TP73: variants seen among roughly 807,000 people sequenced by gnomAD.
TP73 encodes tumor protein p73.
In TP73, 25 loss-of-function variants were observed where a neutral mutation model predicts 62.5. The observed-to-expected ratio is 0.40, with a 90% CI of 0.29 to 0.56. The LOEUF is 0.56. Among genes scored for constraint, TP73 ranks in the 20% least tolerant of loss-of-function variants. The pLI is 0.46. For synonymous variants in TP73, 423 were observed against 377.5 expected (o/e 1.12, Z -1.40); for missense variants, 754 against 913.3 (o/e 0.83, Z 2.25).
rs545994179 is a variant in TP73, at chr1:3,735,249, C to A, written c.*2170C>A. On this transcript the variant is annotated 3_prime_UTR_variant, in exon 14 of 14. Transcript: ENST00000378295. ...GGAGCCGCGGGGGCCCATCCTGACA[C>A]CCGGGGTTCCTCAGCCCAGCGCAGA... 1 of 152,442 alleles carries A rather than the reference C, an allele frequency of 6.6e-6. No homozygotes were observed. Among genetic ancestry groups the A allele is most frequent in the African/African-American group, 2.4e-5 (1 of 41,582 alleles). The allele number at this position is 152,442 out of a possible 1,614,324, so 9.4% of individuals were successfully genotyped here.
chr1:3,704,977 A>T (rs1469090376), intron 3 of TP73, among the ~76,000 whole-genome samples: 1 of 151,190 alleles, frequency 6.6e-6, no homozygotes, highest in East Asian at 1.9e-4. Flanking sequence ...GCTTCCCCAG[A>T]CCCCCTCACA....
At chr1:3,726,579 G>A (rs1557580741) in intron 6 of TP73, among the ~76,000 whole-genome samples, 1 of 147,948 alleles carries the variant, frequency 6.8e-6, no homozygotes, top group South Asian at 2.2e-4. Context: ...AAGTGGGGGA[G>A]TGGATGGATG....
At chr1:3,675,675 G>A (rs912078363) in intron 1 of TP73, among the ~76,000 whole-genome samples, 2 of 152,154 alleles carry the variant, frequency 1.3e-5, no homozygotes, top group African/African-American at 2.4e-5. Flanking sequence ...GCAGCCCTGC[G>A]GCCAGGGCCC....
Position 3,733,166 on chromosome 1 carries a change from G to A in TP73, c.*87G>A. The A allele has an allele frequency of 2.2e-6, 3 of 1,393,318 alleles. No homozygotes were observed. The highest frequency in any genetic ancestry group is 2.9e-6 in the Non-Finnish European group (3 of 1,046,840). 86.3% of individuals were successfully genotyped at this position (1,393,318 alleles called of 1,614,324 possible). The stretch of plus-strand genomic sequence containing the variant: ...TCCTGTGTGTCCAAAACTGCCTCAG[G>A]AGGCAGGACCTTCGGGCTGTGCCCG... On this transcript the variant is annotated 3_prime_UTR_variant, in exon 14 of 14. Transcript: ENST00000378295.
rs370072435 is a variant in TP73, at chr1:3,723,631, G to A, written c.732+162G>A. Among the ~76,000 whole-genome samples the A allele has an allele frequency of 8.9e-4, 135 of 152,226 alleles. 3 individuals carry two copies. The South Asian group carries it at 0.023, about 26-fold the overall frequency. On this transcript the variant is annotated intron_variant, in intron 6 of 13. Transcript: ENST00000378295. ...CCCTGCTCTGTGATAAGTCTGTGTC[G>A]GCGGCTCCTTCCTCACCCACACCCG...
intron 4 of TP73, among the ~76,000 whole-genome samples, chr1:3,717,375 TG>T (rs1328259725): frequency 6.6e-6 from 1 of 152,092 alleles, no homozygotes; most frequent in Non-Finnish European, 1.5e-5. Flanking sequence ...TGGGGAGGGA[TG>T]GGCACAGTGG....
chr1:3,730,819 G>T lies in TP73; in HGVS notation c.1346-108G>T. ...GGTGATGCCCAGCGTCACATCGCCA[G>T]GCCTTGGGATGGCTCCCTGGTGTCC... On this transcript the variant is annotated intron_variant, in intron 11 of 13. Transcript: ENST00000378295. 4 of 1,393,740 alleles carry T rather than the reference G, an allele frequency of 2.9e-6. No homozygotes were observed. In the South Asian group the frequency reaches 5.6e-5, roughly 19 times the overall value. 86.3% of individuals were successfully genotyped at this position (1,393,740 alleles called of 1,614,324 possible). A position where few individuals can be genotyped will look rare whatever the true frequency, so the allele number is the denominator to read the frequency against.
chr1:3,731,052 C>T lies in TP73; in HGVS notation c.1471C>T (p.Pro491Ser). ...CTPPPPYHAD[P>S]SLVSFLTGLG... ...TCCGCCACCCCCCTACCACGCCGAC[C>T]CCAGCCTCGTCAGGTGCGTGGGCTG... Residue 491 changes from proline to serine, a missense_variant, in exon 12 of 14, where the codon CCC (proline) becomes TCC (serine). Pro to Ser is a moderately conservative substitution (Grantham distance 74). Coordinates refer to ENST00000378295, the MANE Select transcript of TP73 (RefSeq NM_005427.4). 6.2e-7 allele frequency: 1 copy of T among 1,611,686 alleles called. No individual in the cohort carries two copies.
chr1:3,707,893 G>A, intron 4 of TP73, 102 bp downstream of exon 4: 1 of 1,482,112 alleles, frequency 6.7e-7, no homozygotes, highest in South Asian at 1.3e-5. Flanking sequence ...TCGCCCCACT[G>A]TCTGCTCGGG....
chr1:3,668,985 G>A (rs996116971), intron 1 of TP73, among the ~76,000 whole-genome samples: 2 of 152,208 alleles, frequency 1.3e-5, no homozygotes, highest in Admixed American at 1.3e-4. Flanking sequence ...TCCAGGCCAT[G>A]CTCCGCCCCC....
At chr1:3,664,770 AG>A (rs1465181469) in intron 1 of TP73, among the ~76,000 whole-genome samples, 1 of 152,156 alleles carries the variant, frequency 6.6e-6, no homozygotes, top group Non-Finnish European at 1.5e-5. Context: ...TGGGCCTCAG[AG>A]AGGGGTATCT....
intron 1 of TP73, among the ~76,000 whole-genome samples, chr1:3,678,813 G>A (rs1197034170): frequency 6.6e-6 from 1 of 152,200 alleles, no homozygotes; most frequent in Non-Finnish European, 1.5e-5. Flanking sequence ...TGTGGGGAGG[G>A]GTGTCCTGGA....
intron 4 of TP73, among the ~76,000 whole-genome samples, chr1:3,709,783 C>T (rs1448616076): frequency 1.3e-5 from 2 of 152,208 alleles, no homozygotes; most frequent in African/African-American, 4.8e-5. Context: ...GAGAGTGTCT[C>T]CCTGGAGTCC....
In TP73 at chr1:3,733,054, A is replaced by G. The variant is rs1263952355; in HGVS notation, c.1886A>G (p.Glu629Gly). The G allele has an allele frequency of 3.2e-6, 5 of 1,538,628 alleles. No homozygotes were observed. The highest frequency in any genetic ancestry group is 2.6e-6 in the Non-Finnish European group (3 of 1,146,920). ...CKARKQPIKE[E>G]FTEAEIH The stretch of plus-strand genomic sequence containing the variant: ...GCCCGCAAGCAGCCCATCAAGGAGG[A>G]GTTCACGGAGGCCGAGATCCACTGA... Residue 629 changes from glutamate (E) to glycine (G), a missense_variant, in exon 14 of 14, where the codon GAG becomes GGG. Coordinates refer to ENST00000378295, the MANE Select transcript of TP73 (RefSeq NM_005427.4).
Position 3,670,665 on chromosome 1 carries a change from C to CA in TP73, c.-33-11660dup, listed in dbSNP as rs1032179036. On this transcript the variant is annotated intron_variant, in intron 1 of 13. Coordinates refer to ENST00000378295, the MANE Select transcript of TP73 (RefSeq NM_005427.4). This position sits in a 1 kb window ranked among gnomAD's most constrained non-coding sequence, Gnocchi z 5.9. ...TGGGTGACAGAGCGAGACTCTATCTCAAAAAAAATAAAATAAAATAAAAAA... is the reference window on the plus strand; with the variant it reads ...TGGGTGACAGAGCGAGACTCTATCTCAAAAAAAAATAAAATAAAATAAAAAA... Among the ~76,000 whole-genome samples the CA allele has an allele frequency of 3.3e-5, 5 of 150,348 alleles. No homozygotes were observed. Among genetic ancestry groups the CA allele is most frequent in the South Asian group, 2.1e-4 (1 of 4,746 alleles).
chr1:3,685,715 T>G (rs1046874985), intron 3 of TP73, among the ~76,000 whole-genome samples: 2 of 152,144 alleles, frequency 1.3e-5, no homozygotes, highest in Non-Finnish European at 2.9e-5. Context: ...GCCCGCTAAC[T>G]CCAGGGGTCC....
At chr1:3,685,468 G>A (rs1474489707) in intron 3 of TP73, among the ~76,000 whole-genome samples, 2 of 152,230 alleles carry the variant, frequency 1.3e-5, no homozygotes, top group African/African-American at 2.4e-5. Context: ...CGGAGATGGG[G>A]GATTCCCTGG....
chr1:3,715,700 C>T (rs1413996679), intron 4 of TP73, among the ~76,000 whole-genome samples: 2 of 152,208 alleles, frequency 1.3e-5, no homozygotes, highest in African/African-American at 4.8e-5. Flanking sequence ...GAGGCAGACA[C>T]CTTGGGCAAA....
At chr1:3,716,956 C>T (rs749217716) in intron 4 of TP73, among the ~76,000 whole-genome samples, 18 of 152,108 alleles carry the variant, frequency 1.2e-4, no homozygotes, top group Non-Finnish European at 2.2e-4. Context: ...AACACACAGA[C>T]GCACACACAA....
Sources: gnomAD v4.1 joint callset for allele counts (sites outside exome capture counted in the v4.1 genomes callset) on GRCh38, gnomAD v4.1.1 for gene constraint, Gnocchi (gnomAD v3.1) non-coding constraint, MANE v1.5 for transcripts, NCBI Gene and HGNC (gene_info 2026-07-23, HGNC 2026-07-21) for gene names.